Variants in DPP10 observed in about 807,000 individuals in gnomAD.
The protein encoded by DPP10 is inactive dipeptidyl peptidase 10.
Under a neutral mutation model 120.9 loss-of-function variants are expected in DPP10, and 33 were observed. That is an observed-to-expected ratio of 0.27 (90% confidence interval 0.21 to 0.37). The LOEUF is 0.37. Ranked by LOEUF, DPP10 falls within the 10% of genes least tolerant of loss-of-function variation. The pLI, the probability that DPP10 is intolerant of heterozygous loss-of-function variation, is 1.00. For missense variants in DPP10, 816 were observed against 942.8 expected (o/e 0.87, Z 1.76); for synonymous variants, 337 against 326.1 (o/e 1.03, Z -0.36).
intron 11 of DPP10, among the ~76,000 whole-genome samples, chr2:115,754,149 AGGAGAT>A (rs1679100526): frequency 6.6e-6 from 1 of 152,164 alleles, no homozygotes; most frequent in South Asian, 2.1e-4. Flanking sequence ...CCAAATGGCA[AGGAGAT>A]GGAGCCCAAG....
chr2:114,535,309 G>T (rs1034621728), intron 1 of DPP10, among the ~76,000 whole-genome samples: 1 of 152,128 alleles, frequency 6.6e-6, no homozygotes, highest in Non-Finnish European at 1.5e-5. Flanking sequence ...GCATCATTTA[G>T]ATACCCTTTC....
chr2:114,979,959 T>G (rs1699983342), intron 1 of DPP10, among the ~76,000 whole-genome samples: 2 of 152,156 alleles, frequency 1.3e-5, no homozygotes, highest in Admixed American at 6.5e-5. Flanking sequence ...TATAGTCTTT[T>G]GCAATCGTGT....
chr2:114,683,542 T>TCCTCCCTCTCTCTCTCCCTC (rs1558999981), intron 1 of DPP10, among the ~76,000 whole-genome samples: 1 of 145,934 alleles, frequency 6.9e-6, no homozygotes, highest in Admixed American at 6.9e-5. Context: ...CTTCCTTCCT[T>TCCTCCCTCTCTCTCTCCCTC]CCTCCCTCTC....
chr2:115,571,903 T>A (rs926744945), intron 5 of DPP10, among the ~76,000 whole-genome samples: 3 of 152,024 alleles, frequency 2.0e-5, no homozygotes, highest in African/African-American at 7.2e-5. Flanking sequence ...CTGAAGGGAA[T>A]ATAAAGCAAA....
chr2:114,861,943 AC>A (rs2106530515), intron 1 of DPP10, among the ~76,000 whole-genome samples: 1 of 152,300 alleles, frequency 6.6e-6, no homozygotes, highest in African/African-American at 2.4e-5. Flanking sequence ...TGTCTCCATC[AC>A]AAAAACAAAA....
At chr2:114,899,527 T>C (rs1356954296) in intron 1 of DPP10, among the ~76,000 whole-genome samples, 1 of 152,208 alleles carries the variant, frequency 6.6e-6, no homozygotes, top group Non-Finnish European at 1.5e-5. Context: ...CTTGCTTTCA[T>C]TATACTTTTA....
chr2:115,150,161 C>A (rs1026215393), intron 1 of DPP10, among the ~76,000 whole-genome samples: 1 of 152,178 alleles, frequency 6.6e-6, no homozygotes, highest in African/African-American at 2.4e-5. Flanking sequence ...AGCTGTCCAA[C>A]GGAGGATTCC....
chr2:114,525,527 A>C (rs373818391), intron 1 of DPP10, among the ~76,000 whole-genome samples: 1 of 152,200 alleles, frequency 6.6e-6, no homozygotes, highest in Non-Finnish European at 1.5e-5. Flanking sequence ...CAACCACTCT[A>C]TAAGATATAT....
chr2:115,377,338 C>G (rs1463388683), intron 3 of DPP10, among the ~76,000 whole-genome samples: 1 of 152,142 alleles, frequency 6.6e-6, no homozygotes, highest in Non-Finnish European at 1.5e-5. Flanking sequence ...TTTTTGGCTG[C>G]ATAAATGTCT....
chr2:114,803,293 A>G (rs551071276), intron 1 of DPP10, among the ~76,000 whole-genome samples: 1 of 152,286 alleles, frequency 6.6e-6, no homozygotes, highest in African/African-American at 2.4e-5. Flanking sequence ...TTTCTTCCCC[A>G]TCTTGGGTAT....
At chr2:115,016,825 A>T (rs1310652779) in intron 1 of DPP10, among the ~76,000 whole-genome samples, 1 of 152,154 alleles carries the variant, frequency 6.6e-6, no homozygotes, top group Non-Finnish European at 1.5e-5. Flanking sequence ...CAACAATGAT[A>T]GACTGGATTA....
intron 1 of DPP10, among the ~76,000 whole-genome samples, chr2:115,275,953 G>A (rs1232427498): frequency 2.6e-5 from 4 of 151,760 alleles, no homozygotes; most frequent in Non-Finnish European, 5.9e-5. Flanking sequence ...CGCCCGCCTC[G>A]GCCTCCCAAA....
chr2:114,888,106 G>C (rs1692221162), intron 1 of DPP10, among the ~76,000 whole-genome samples: 1 of 146,098 alleles, frequency 6.8e-6, no homozygotes, highest in Non-Finnish European at 1.5e-5. Flanking sequence ...TCGTGCTGCT[G>C]CACTCCAGCC....
chr2:115,237,761 A>G (rs752659716), intron 1 of DPP10, among the ~76,000 whole-genome samples: 1 of 152,216 alleles, frequency 6.6e-6, no homozygotes, highest in Non-Finnish European at 1.5e-5. Flanking sequence ...AGCAGCCACA[A>G]CATTCCCTTG....
chr2:115,629,132 A>C (rs547430289), intron 5 of DPP10, among the ~76,000 whole-genome samples: 2 of 152,304 alleles, frequency 1.3e-5, no homozygotes, highest in Non-Finnish European at 2.9e-5. Flanking sequence ...ATGTCCCTAC[A>C]GAGGACACGA....
intron 1 of DPP10, among the ~76,000 whole-genome samples, chr2:114,716,147 A>C (rs916570091): frequency 2.6e-5 from 4 of 152,094 alleles, no homozygotes; most frequent in Non-Finnish European, 4.4e-5. Flanking sequence ...TAAAGTGAAG[A>C]CATGAATGCT....
At chr2:114,830,796 A>G (rs1288479681) in intron 1 of DPP10, among the ~76,000 whole-genome samples, 3 of 152,070 alleles carry the variant, frequency 2.0e-5, no homozygotes, top group East Asian at 1.9e-4. Flanking sequence ...ATAGTAACTT[A>G]CTCAACTTGT....
chr2:115,018,028 C>T (rs1323834330), intron 1 of DPP10, among the ~76,000 whole-genome samples: 1 of 151,624 alleles, frequency 6.6e-6, no homozygotes, highest in Non-Finnish European at 1.5e-5. Flanking sequence ...AGAAAAACAA[C>T]CCCATCTAAA....
chr2:115,602,361 C>A (rs1351852588), intron 5 of DPP10, among the ~76,000 whole-genome samples: 1 of 152,200 alleles, frequency 6.6e-6, no homozygotes, highest in Admixed American at 6.5e-5. Flanking sequence ...AGTAAATGCT[C>A]ATTTTTAGCA....
Sources: gnomAD v4.1 joint callset for allele counts (sites outside exome capture counted in the v4.1 genomes callset) on GRCh38, gnomAD v4.1.1 for gene constraint, MANE v1.5 for transcripts, NCBI Gene and HGNC (gene_info 2026-07-23, HGNC 2026-07-21) for gene names.